The following XKR6 variants were observed in gnomAD, a reference collection of about 807,000 sequenced individuals.
XKR6 encodes the protein XK related 6.
Under a neutral mutation model 56.7 loss-of-function variants are expected in XKR6, and 22 were observed. The ratio of observed to expected loss-of-function variants is 0.39; its 90% CI spans 0.28 to 0.55. The LOEUF (loss-of-function observed/expected upper bound fraction) is 0.55. Ranked by LOEUF, XKR6 falls within the 20% of genes least tolerant of loss-of-function variation. XKR6 has a pLI of 0.66. For missense variants in XKR6, 852 were observed against 889.0 expected, an observed-to-expected ratio of 0.96 and a Z score of 0.53; for synonymous variants, 524 against 387.8, an observed-to-expected ratio of 1.35 and a Z score of -4.13.
chr8:11,119,920 A>G (rs547763771), intron 1 of XKR6, among the ~76,000 whole-genome samples: 5 of 152,332 alleles, frequency 3.3e-5, no homozygotes, highest in African/African-American at 1.2e-4. Context: ...TATAAACAGA[A>G]CCAAAGACAA....
intron 1 of XKR6, chr8:11,123,921 G>A (rs1045647785): frequency 1.3e-5 from 6 of 455,986 alleles, no homozygotes; most frequent in Admixed American, 2.4e-5. Context: ...TGATGTTCTT[G>A]GCTTGCCACC....
chr8:11,103,275 G>A (rs1418370637), intron 1 of XKR6, among the ~76,000 whole-genome samples: 1 of 152,154 alleles, frequency 6.6e-6, no homozygotes, highest in East Asian at 1.9e-4. Context: ...TGCTTATGCT[G>A]GTAGTGTGAA....
intron 1 of XKR6, among the ~76,000 whole-genome samples, chr8:11,160,918 A>AAG (rs1452863460): frequency 6.6e-6 from 1 of 151,044 alleles, no homozygotes; most frequent in Non-Finnish European, 1.5e-5. Context: ...TCTCAAAAAA[A>AAG]AAAAAAAAAA....
At chr8:11,188,054 T>C (rs1462894965) in intron 1 of XKR6, among the ~76,000 whole-genome samples, 1 of 152,198 alleles carries the variant, frequency 6.6e-6, no homozygotes, top group Non-Finnish European at 1.5e-5. Context: ...CCTGTTATTT[T>C]TAGTGTATGA....
At chr8:10,979,244 C>T (rs556431629) in intron 1 of XKR6, among the ~76,000 whole-genome samples, 2 of 152,172 alleles carry the variant, frequency 1.3e-5, no homozygotes, top group East Asian at 3.9e-4. Flanking sequence ...TAGCCTACTC[C>T]CCCAACCCCC....
chr8:11,003,972 G>A (rs1425805210), intron 1 of XKR6, among the ~76,000 whole-genome samples: 1 of 152,200 alleles, frequency 6.6e-6, no homozygotes, highest in Non-Finnish European at 1.5e-5. Context: ...TGCAAAAGCA[G>A]AGAGTGGCGA....
At chr8:10,900,723 C>T (rs547510623) in intron 2 of XKR6, among the ~76,000 whole-genome samples, 1 of 152,168 alleles carries the variant, frequency 6.6e-6, no homozygotes, top group Non-Finnish European at 1.5e-5. Context: ...TGTGTGTCTG[C>T]AGTGGCTGCA....
chr8:11,062,201 C>A (rs968278124), intron 1 of XKR6, among the ~76,000 whole-genome samples: 4 of 152,106 alleles, frequency 2.6e-5, no homozygotes, highest in East Asian at 1.9e-4. Context: ...TAGTCCGTGC[C>A]CAGGCGCTGG....
At chr8:11,065,123 G>C (rs1799942939) in intron 1 of XKR6, among the ~76,000 whole-genome samples, 1 of 152,222 alleles carries the variant, frequency 6.6e-6, no homozygotes, top group Admixed American at 6.5e-5. Context: ...AAGGAAGACT[G>C]ACTATAACTT....
chr8:10,949,550 C>T (rs114840950), intron 1 of XKR6, among the ~76,000 whole-genome samples: 2,028 of 152,354 alleles, frequency 0.013, 50 homozygotes, highest in African/African-American at 0.047. Context: ...GCAGGGAGGC[C>T]TCCGATGTGC....
At chr8:11,140,680 G>A (rs1476524845) in intron 1 of XKR6, among the ~76,000 whole-genome samples, 2 of 152,054 alleles carry the variant, frequency 1.3e-5, no homozygotes, top group African/African-American at 2.4e-5. Flanking sequence ...GGTGGGTCAC[G>A]AGGTCAGGAG....
chr8:10,899,039 C>A, intron 2 of XKR6, 123 bp from the exon 3 acceptor site: 1 of 1,430,078 alleles, frequency 7.0e-7, no homozygotes, highest in Non-Finnish European at 9.3e-7. Flanking sequence ...GAGAAAGAAA[C>A]ACAGAATCAG....
At chr8:11,024,284 C>T (rs1798814551) in intron 1 of XKR6, among the ~76,000 whole-genome samples, 1 of 148,834 alleles carries the variant, frequency 6.7e-6, no homozygotes, top group African/African-American at 2.5e-5. Flanking sequence ...CTTCCTTTCT[C>T]ATTTCATGAC....
At chr8:11,116,221 A>G (rs1434957435) in intron 1 of XKR6, among the ~76,000 whole-genome samples, 1 of 152,158 alleles carries the variant, frequency 6.6e-6, no homozygotes, top group Non-Finnish European at 1.5e-5. Flanking sequence ...TGTTCTTTTC[A>G]GTTCATAGGA....
intron 1 of XKR6, among the ~76,000 whole-genome samples, chr8:11,004,359 C>A (rs929228373): frequency 1.3e-5 from 2 of 152,216 alleles, no homozygotes; most frequent in African/African-American, 4.8e-5. Context: ...GCAATACCAG[C>A]TACTTAAGAG....
intron 1 of XKR6, among the ~76,000 whole-genome samples, chr8:11,097,582 C>T (rs12544629): frequency 0.013 from 1,937 of 151,286 alleles, 47 homozygotes; most frequent in African/African-American, 0.043. Context: ...CCGGGGTGGG[C>T]GTATCAACCG....
intron 1 of XKR6, among the ~76,000 whole-genome samples, chr8:10,954,886 T>TTTTA (rs1801834290): frequency 1.4e-5 from 2 of 147,424 alleles, no homozygotes; most frequent in Non-Finnish European, 3.0e-5. Context: ...TTTTTTTTTT[T>TTTTA]AGACAGAGTT....
intron 1 of XKR6, among the ~76,000 whole-genome samples, chr8:10,959,051 C>A (rs1801981284): frequency 6.6e-6 from 1 of 152,256 alleles, no homozygotes; most frequent in African/African-American, 2.4e-5. Context: ...GAGTGTGACG[C>A]TGACACTCTG....
At chr8:10,914,222 G>A (rs1232569766) in intron 2 of XKR6, among the ~76,000 whole-genome samples, 3 of 152,144 alleles carry the variant, frequency 2.0e-5, no homozygotes, top group East Asian at 1.9e-4. Context: ...CATGCTTCCC[G>A]GTCTTAGCAA....
Sources: gnomAD v4.1 joint callset for allele counts (sites outside exome capture counted in the v4.1 genomes callset) on GRCh38, gnomAD v4.1.1 for gene constraint, MANE v1.5 for transcripts, NCBI Gene and HGNC (gene_info 2026-07-23, HGNC 2026-07-21) for gene names.